The following CHN2 variants were observed in gnomAD, a reference collection of about 807,000 sequenced individuals.
CHN2 encodes the protein chimerin 2, also known as beta-chimaerin.
A neutral mutation model predicts 56.3 loss-of-function variants in CHN2; 35 were observed. The observed-to-expected ratio is 0.62, with a 90% CI of 0.47 to 0.82. CHN2 has a LOEUF of 0.82. Among genes scored for constraint, CHN2 ranks in the 40% least tolerant of loss-of-function variants. The pLI, the probability that CHN2 is intolerant of heterozygous loss-of-function variation, is 0.00. For synonymous variants in CHN2, 210 were observed against 212.8 expected, an observed-to-expected ratio of 0.99 and a Z score of 0.12; for missense variants, 491 against 580.5, an observed-to-expected ratio of 0.85 and a Z score of 1.58.
At chr7:29,255,170 C>T (rs1788969580) in intron 1 of CHN2, among the ~76,000 whole-genome samples, 1 of 152,332 alleles carries the variant, frequency 6.6e-6, no homozygotes. Flanking sequence ...TTTCCCTGGA[C>T]ATGCCCGGTG....
intron 2 of CHN2, chr7:29,181,532 A>T (rs749724902): frequency 4.6e-5 from 7 of 152,256 alleles, no homozygotes; most frequent in Non-Finnish European, 8.8e-5. Context: ...GAGGAATAAC[A>T]ACATGAATTA....
intron 6 of CHN2, among the ~76,000 whole-genome samples, chr7:29,458,307 G>A (rs919524463): frequency 1.7e-4 from 25 of 151,426 alleles, no homozygotes; most frequent in African/African-American, 5.8e-4. Flanking sequence ...TATGAGACAA[G>A]TTATACAACT....
intron 3 of CHN2, among the ~76,000 whole-genome samples, chr7:29,374,208 A>G (rs10235246): frequency 0.014 from 2,171 of 152,058 alleles, 52 homozygotes; most frequent in African/African-American, 0.049. Flanking sequence ...TTATTCCTCC[A>G]CGCTGTCATC....
chr7:29,409,418 A>G (rs1049574349), intron 6 of CHN2, among the ~76,000 whole-genome samples: 1 of 152,246 alleles, frequency 6.6e-6, no homozygotes, highest in African/African-American at 2.4e-5. Context: ...TTTGTGAAAA[A>G]TAACACTGTT....
intron 6 of CHN2, among the ~76,000 whole-genome samples, chr7:29,447,009 T>TG (rs1463731100): frequency 6.6e-6 from 1 of 152,140 alleles, no homozygotes; most frequent in Non-Finnish European, 1.5e-5. Context: ...TAACTTTAAC[T>TG]GCATCCAAAA....
intron 3 of CHN2, among the ~76,000 whole-genome samples, chr7:29,383,678 A>G (rs971357972): frequency 6.6e-6 from 1 of 152,232 alleles, no homozygotes; most frequent in Non-Finnish European, 1.5e-5. Context: ...GGGAAAAAAT[A>G]TTCCAGAAAA....
At chr7:29,361,794 C>T (rs980007372) in intron 2 of CHN2, among the ~76,000 whole-genome samples, 2 of 152,192 alleles carry the variant, frequency 1.3e-5, no homozygotes, top group Non-Finnish European at 2.9e-5. Flanking sequence ...ATCTCTCAGC[C>T]GCTCAGGGTC....
chr7:29,489,582 A>T (rs761085653), intron 7 of CHN2, among the ~76,000 whole-genome samples: 1 of 152,324 alleles, frequency 6.6e-6, no homozygotes, highest in African/African-American at 2.4e-5. Context: ...ATTGAACAAT[A>T]TATCGGTCGT....
At chr7:29,298,499 C>G (rs1446536245) in intron 1 of CHN2, among the ~76,000 whole-genome samples, 84 of 152,110 alleles carry the variant, frequency 5.5e-4, no homozygotes, top group Non-Finnish European at 1.0e-4. Context: ...TGTGACATGC[C>G]CAGGTAACTG....
intron 1 of CHN2, among the ~76,000 whole-genome samples, chr7:29,307,264 A>G (rs1481239561): frequency 6.6e-6 from 1 of 152,244 alleles, no homozygotes; most frequent in Non-Finnish European, 1.5e-5. Flanking sequence ...ATAATTATCT[A>G]TCAGTAACTA....
At chr7:29,182,300 A>G (rs2128743857) in intron 2 of CHN2, among the ~76,000 whole-genome samples, 1 of 152,318 alleles carries the variant, frequency 6.6e-6, no homozygotes, top group East Asian at 1.9e-4. Flanking sequence ...CAATGCCTTA[A>G]AAGAGTTGTA....
At chr7:29,164,012 T>C (rs1166054981) in intron 2 of CHN2, among the ~76,000 whole-genome samples, 1 of 152,252 alleles carries the variant, frequency 6.6e-6, no homozygotes, top group Admixed American at 6.5e-5. Context: ...ACATATGCTT[T>C]CGTTTCTCTT....
At chr7:29,313,081 C>G (rs1282706541) in intron 1 of CHN2, among the ~76,000 whole-genome samples, 2 of 152,136 alleles carry the variant, frequency 1.3e-5, no homozygotes, top group African/African-American at 2.4e-5. Flanking sequence ...TTATCGGACT[C>G]TCTTCCAAAC....
intron 7 of CHN2, among the ~76,000 whole-genome samples, chr7:29,486,212 C>A (rs890526757): frequency 5.3e-5 from 8 of 152,158 alleles, no homozygotes; most frequent in African/African-American, 1.9e-4. Context: ...TGCAGAAACC[C>A]CAGTGTCTAG....
chr7:29,236,428 C>A (rs1000489745), intron 1 of CHN2, among the ~76,000 whole-genome samples: 1 of 152,236 alleles, frequency 6.6e-6, no homozygotes, highest in Non-Finnish European at 1.5e-5. Flanking sequence ...GCATTTCTTG[C>A]AGCCCTCTGC....
At chr7:29,301,704 C>A (rs1262177225) in intron 1 of CHN2, among the ~76,000 whole-genome samples, 1 of 152,098 alleles carries the variant, frequency 6.6e-6, no homozygotes, top group African/African-American at 2.4e-5. Flanking sequence ...ACTCACCCTA[C>A]GTAATCTTAA....
chr7:29,448,278 G>A (rs998194644), intron 6 of CHN2, among the ~76,000 whole-genome samples: 2 of 150,502 alleles, frequency 1.3e-5, no homozygotes, highest in East Asian at 1.9e-4. Context: ...TTTTCTTTTA[G>A]AACATTAATA....
At chr7:29,181,892 G>A (rs1479677811) in intron 2 of CHN2, among the ~76,000 whole-genome samples, 1 of 152,090 alleles carries the variant, frequency 6.6e-6, no homozygotes, top group Non-Finnish European at 1.5e-5. Flanking sequence ...ATTTATTCAT[G>A]GTGGAGGGAA....
In CHN2 at chr7:29,296,179, G is replaced by A. The variant is rs554557958; in HGVS notation, c.50-58446G>A. Among the ~76,000 whole-genome samples the A allele has an allele frequency of 2.3e-4, 35 of 151,786 alleles. 2 individuals are homozygous for A. In the South Asian group the frequency reaches 7.1e-3, roughly 31 times the overall value. On this transcript the variant is annotated intron_variant, in intron 1 of 12. Transcript: ENST00000222792. ...GCTCACTGCAACCTCCACCTCCCAG[G>A]TTCAAGAAATTCTCCTGCCTCAGCC...
Sources: allele counts gnomAD v4.1 joint callset (sites outside exome capture counted in the v4.1 genomes callset), GRCh38; gene constraint gnomAD v4.1.1; transcripts MANE v1.5; gene names NCBI Gene and HGNC (gene_info 2026-07-23, HGNC 2026-07-21).